Variants in ANO2 observed in about 807,000 individuals in gnomAD.
ANO2 encodes anoctamin 2.
Under a neutral mutation model 124.2 loss-of-function variants are expected in ANO2, and 101 were observed. The observed-to-expected ratio is 0.81, with a 90% confidence interval of 0.69 to 0.96. The LOEUF (loss-of-function observed/expected upper bound fraction) is 0.96. Among genes scored for constraint, ANO2 ranks in the 40% least tolerant of loss-of-function variants. The pLI, the probability that ANO2 is intolerant of heterozygous loss-of-function variation, is 0.00. For missense variants in ANO2, 1,293 were observed against 1,274.5 expected, an observed-to-expected ratio of 1.01 and a Z score of -0.22; for synonymous variants, 486 against 482.5, an observed-to-expected ratio of 1.01 and a Z score of -0.09.
intron 14 of ANO2, among the ~76,000 whole-genome samples, chr12:5,664,152 T>G (rs1947584948): frequency 6.6e-6 from 1 of 152,234 alleles, no homozygotes; most frequent in Non-Finnish European, 1.5e-5. Context: ...ACACACAAAC[T>G]CATGCTTGGT....
rs192824898 is a variant in ANO2 at position 5,896,963 on chromosome 12, T to C, written c.534+24077A>G. 6.6e-5 allele frequency among the ~76,000 whole-genome samples: 10 copies of C among 152,300 alleles called. No homozygotes were observed. In the East Asian group the frequency reaches 1.9e-3, roughly 29 times the overall value. On this transcript the variant is annotated intron_variant, in intron 3 of 24. Transcript: ENST00000682330. ...TATAAATTTTGGAGTTCTCTTACGA[T>C]AAAGATGGCAACAGAAATGTTGAAC...
At chr12:5,841,364 A>G (rs1267667656) in intron 4 of ANO2, among the ~76,000 whole-genome samples, 3 of 152,148 alleles carry the variant, frequency 2.0e-5, no homozygotes, top group Non-Finnish European at 4.4e-5. Flanking sequence ...CTCAGCAACA[A>G]CACTGAGTGT....
chr12:5,578,313 G>A, intron 21 of ANO2, 53 bp downstream of exon 21: 1 of 1,588,354 alleles, frequency 6.3e-7, no homozygotes, highest in Non-Finnish European at 8.6e-7. Context: ...TGGCCAGAGG[G>A]GACAGAATGG....
intron 6 of ANO2, among the ~76,000 whole-genome samples, chr12:5,829,957 C>T (rs1439551052): frequency 6.6e-6 from 1 of 152,154 alleles, no homozygotes; most frequent in African/African-American, 2.4e-5. Context: ...TATAGAAATT[C>T]ACATGACTCT....
intron 1 of ANO2, 61 bp from the exon 2 acceptor site, chr12:5,922,865 G>C: frequency 7.2e-7 from 1 of 1,392,646 alleles, no homozygotes; most frequent in South Asian, 1.5e-5. Flanking sequence ...CCAAGACACT[G>C]AGGTACTGAG....
rs12578685 is a variant in ANO2, at chr12:5,653,464, T to C, written c.1546-5663A>G. ...GGGCATATTGTTCAAATTATCTGTG[T>C]CCTCAAATCAGCATCTCTAATGGGG... On this transcript the variant is annotated intron_variant, in intron 14 of 24. Coordinates refer to ENST00000682330, the MANE Select transcript of ANO2 (RefSeq NM_001364791.2). 9.4e-4 allele frequency among the ~76,000 whole-genome samples: 143 copies of C among 152,354 alleles called. 1 individual carries two copies. The East Asian group carries it at 0.026, about 28-fold the overall frequency.
At chr12:5,674,784 G>C (rs141419343) in intron 14 of ANO2, among the ~76,000 whole-genome samples, 1 of 152,322 alleles carries the variant, frequency 6.6e-6, no homozygotes, top group East Asian at 1.9e-4. Flanking sequence ...TTCCACATCT[G>C]TAAAACCCTG....
intron 20 of ANO2, among the ~76,000 whole-genome samples, chr12:5,580,006 A>G (rs1022444047): frequency 2.6e-5 from 4 of 152,192 alleles, no homozygotes; most frequent in African/African-American, 9.6e-5. Flanking sequence ...TTGCTCACAC[A>G]TCTTTATTTC....
chr12:5,682,341 C>T (rs1384401476), intron 14 of ANO2, among the ~76,000 whole-genome samples: 3 of 63,496 alleles, frequency 4.7e-5, no homozygotes, highest in East Asian at 2.3e-3. Flanking sequence ...TTCTCTTTCT[C>T]TCTCTCTCTC....
At position 5,905,806 on chromosome 12, in the gene ANO2, C is replaced by T. The variant is rs200815350; in HGVS notation, c.534+15234G>A. ...GAAAGATACAAAAAAAATCTGCTAA[C>T]ACCCCAGGGCTCAACCTCTTTCCCC... On this transcript the variant is annotated intron_variant, in intron 3 of 24. Coordinates refer to ENST00000682330, the MANE Select transcript of ANO2 (RefSeq NM_001364791.2). Among the ~76,000 whole-genome samples the T allele has an allele frequency of 9.2e-5, 14 of 152,296 alleles. No individual in the cohort carries two copies. In the East Asian group the frequency reaches 2.7e-3, roughly 29 times the overall value.
intron 14 of ANO2, among the ~76,000 whole-genome samples, chr12:5,669,817 T>G (rs898940205): frequency 3.2e-4 from 49 of 152,210 alleles, no homozygotes; most frequent in African/African-American, 1.2e-3. Context: ...TGTGACTCAG[T>G]GCATATGACT....
At chr12:5,762,420 A>G (rs1166469160) in intron 10 of ANO2, among the ~76,000 whole-genome samples, 1 of 152,024 alleles carries the variant, frequency 6.6e-6, no homozygotes, top group Non-Finnish European at 1.5e-5. Flanking sequence ...TTTACCTCTT[A>G]GGTTTTCACT....
chr12:5,920,777 G>A (rs1255229328), intron 3 of ANO2, among the ~76,000 whole-genome samples: 1 of 152,162 alleles, frequency 6.6e-6, no homozygotes, highest in African/African-American at 2.4e-5. Flanking sequence ...TGAGGTAGGA[G>A]AATGGCAGGA....
intron 4 of ANO2, among the ~76,000 whole-genome samples, chr12:5,844,614 G>A (rs140809959): frequency 1.4e-3 from 220 of 152,204 alleles, no homozygotes; most frequent in African/African-American, 5.0e-3. Flanking sequence ...CTTACTGTAC[G>A]GGTGAGAAAG....
intron 14 of ANO2, among the ~76,000 whole-genome samples, chr12:5,673,337 C>T (rs1052046971): frequency 3.9e-5 from 6 of 152,182 alleles, no homozygotes; most frequent in South Asian, 2.1e-4. Flanking sequence ...AGGTCCTTCC[C>T]GCTTGTCTCC....
intron 14 of ANO2, among the ~76,000 whole-genome samples, chr12:5,708,279 C>T (rs1011167708): frequency 1.3e-5 from 2 of 152,198 alleles, no homozygotes; most frequent in Non-Finnish European, 2.9e-5. Context: ...GTTATATCCC[C>T]CAACACTCTC....
chr12:5,619,250 T>G (rs1591751472), intron 16 of ANO2, among the ~76,000 whole-genome samples: 1 of 152,224 alleles, frequency 6.6e-6, no homozygotes, highest in Non-Finnish European at 1.5e-5. Flanking sequence ...TAGGATTACT[T>G]TGCCGAGCAT....
chr12:5,714,731 T>C (rs990576268), intron 14 of ANO2, among the ~76,000 whole-genome samples: 4 of 152,216 alleles, frequency 2.6e-5, no homozygotes, highest in African/African-American at 4.8e-5. Context: ...CGATTAAGAA[T>C]TTACATTTTC....
intron 19 of ANO2, among the ~76,000 whole-genome samples, chr12:5,611,488 C>T (rs1944545076): frequency 6.6e-6 from 1 of 152,070 alleles, no homozygotes; most frequent in Non-Finnish European, 1.5e-5. Flanking sequence ...CAGTGGTGTC[C>T]CCTGCAAGTC....
Sources: gnomAD v4.1 joint callset for allele counts (sites outside exome capture counted in the v4.1 genomes callset) on GRCh38, gnomAD v4.1.1 for gene constraint, MANE v1.5 for transcripts, NCBI Gene and HGNC (gene_info 2026-07-23, HGNC 2026-07-21) for gene names.